SLC1A1: variants seen among roughly 807,000 people sequenced by gnomAD.
SLC1A1 encodes excitatory amino acid transporter 3.
SLC1A1 carries 43 observed loss-of-function variants against 53.3 expected under a neutral mutation model. That is an observed-to-expected ratio of 0.81 (90% CI 0.63 to 1.04). The LOEUF is 1.04. Among genes scored for constraint, SLC1A1 ranks in the 50% least tolerant of loss-of-function variants. The pLI is 0.00. For synonymous variants in SLC1A1, 307 were observed against 243.2 expected (o/e 1.26, Z -2.44); for missense variants, 748 against 664.9 (o/e 1.12, Z -1.37).
intron 1 of SLC1A1, among the ~76,000 whole-genome samples, chr9:4,492,745 G>A (rs192058745): frequency 2.4e-4 from 36 of 151,758 alleles, no homozygotes; most frequent in African/African-American, 6.8e-4. Context: ...GCAGTGAGCC[G>A]TGATCGTGAC....
intron 1 of SLC1A1, among the ~76,000 whole-genome samples, chr9:4,527,846 G>T (rs1366299037): frequency 6.6e-6 from 1 of 152,146 alleles, no homozygotes; most frequent in East Asian, 1.9e-4. Flanking sequence ...CTTCTGAAAA[G>T]AAGTGGCATC....
rs186632092 is a variant in SLC1A1 at position 4,555,798 on chromosome 9, G to A, written c.233-5651G>A. On this transcript the variant is annotated intron_variant, in intron 2 of 11. Coordinates refer to ENST00000262352, the MANE Select transcript of SLC1A1 (RefSeq NM_004170.6). ...TCATCTCAATCTGGTGACAGTTCAG[G>A]CTCCTCTGAAAGCCCACAGTAACTG... Among the ~76,000 whole-genome samples the A allele has an allele frequency of 4.2e-3, 642 of 152,242 alleles. 3 individuals are homozygous for A. Among genetic ancestry groups the A allele is most frequent in the Non-Finnish European group, 6.9e-3 (467 of 68,022 alleles).
intron 6 of SLC1A1, among the ~76,000 whole-genome samples, chr9:4,569,398 A>G (rs1819811139): frequency 6.6e-6 from 1 of 152,252 alleles, no homozygotes; most frequent in Admixed American, 6.5e-5. Context: ...CTTAGTAGCC[A>G]GTAGCCTCAT....
At chr9:4,560,960 C>T (rs1433913457) in intron 2 of SLC1A1, among the ~76,000 whole-genome samples, 1 of 152,082 alleles carries the variant, frequency 6.6e-6, no homozygotes, top group African/African-American at 2.4e-5. Context: ...CACACCATTG[C>T]ACTCCAGCCT....
In SLC1A1 at chr9:4,556,904, G is replaced by C. The variant is rs572719119; in HGVS notation, c.233-4545G>C. Among the ~76,000 whole-genome samples the C allele has an allele frequency of 6.6e-5, 10 of 152,186 alleles. No homozygotes were observed. The South Asian group carries it at 2.1e-3, about 32-fold the overall frequency. On this transcript the variant is annotated intron_variant, in intron 2 of 11. Transcript: ENST00000262352. This position sits in a 1 kb window ranked among gnomAD's most constrained non-coding sequence, Gnocchi z 4.1. Reference sequence around the variant, plus strand: ...GGTGGTGATTAGGAAAACGGCTTTGGGGGGTGGTTTTGCACAACAACAACA... The same window carrying C: ...GGTGGTGATTAGGAAAACGGCTTTGCGGGGTGGTTTTGCACAACAACAACA...
At chr9:4,560,902 AG>A (rs1564039673) in intron 2 of SLC1A1, among the ~76,000 whole-genome samples, 1 of 152,084 alleles carries the variant, frequency 6.6e-6, no homozygotes, top group Non-Finnish European at 1.5e-5. Context: ...AAGCTGAGGA[AG>A]GAGAATCGCT....
intron 1 of SLC1A1, among the ~76,000 whole-genome samples, chr9:4,516,345 C>T (rs977806426): frequency 6.6e-6 from 1 of 152,200 alleles, no homozygotes; most frequent in Non-Finnish European, 1.5e-5. Flanking sequence ...TGAAATAAAA[C>T]AGGGCTGGCT....
chr9:4,583,312 G>A lies in SLC1A1; in HGVS notation c.1328+140G>A. 1.8e-6 allele frequency: 2 copies of A among 1,088,170 alleles called. No individual in the cohort carries two copies. Among genetic ancestry groups the A allele is most frequent in the Non-Finnish European group, 2.8e-6 (2 of 715,652 alleles). The allele number at this position is 1,088,170 out of a possible 1,614,324, so 67.4% of individuals were successfully genotyped here. A position where few individuals can be genotyped will look rare whatever the true frequency, so the allele number is the denominator to read the frequency against. On this transcript the variant is annotated intron_variant, in intron 11 of 11. Coordinates refer to ENST00000262352, the MANE Select transcript of SLC1A1 (RefSeq NM_004170.6). The surrounding 1 kb of genome is among the most constrained non-coding windows in gnomAD (Gnocchi z 4.6). ...GCTGCTTTAATTTTCCTCTGACCAG[G>A]CCATCTGATAACATGCCTAAAAATT...
intron 2 of SLC1A1, among the ~76,000 whole-genome samples, chr9:4,557,395 T>C (rs937555083): frequency 6.6e-6 from 1 of 152,242 alleles, no homozygotes; most frequent in Non-Finnish European, 1.5e-5. Context: ...TTCGACATTG[T>C]CGAGCACCCA....
intron 1 of SLC1A1, among the ~76,000 whole-genome samples, chr9:4,497,132 GA>G (rs956458324): frequency 1.1e-4 from 9 of 82,040 alleles, no homozygotes; most frequent in Admixed American, 8.4e-4. Context: ...TTAAAAAACA[GA>G]AATTTTTTTT....
At chr9:4,524,677 T>A (rs1475711518) in intron 1 of SLC1A1, among the ~76,000 whole-genome samples, 1 of 152,152 alleles carries the variant, frequency 6.6e-6, no homozygotes, top group Non-Finnish European at 1.5e-5. Context: ...ATAGAGAAAG[T>A]CATCTCATCT....
chr9:4,506,802 TGG>T (rs1820823993), intron 1 of SLC1A1, among the ~76,000 whole-genome samples: 1 of 152,132 alleles, frequency 6.6e-6, no homozygotes, highest in South Asian at 2.1e-4. Context: ...TCACAGTGTG[TGG>T]AGTATGCAGC....
At chr9:4,520,339 C>T (rs915660729) in intron 1 of SLC1A1, among the ~76,000 whole-genome samples, 6 of 152,158 alleles carry the variant, frequency 3.9e-5, no homozygotes, top group African/African-American at 1.2e-4. Flanking sequence ...GCTTTCCCAC[C>T]TCATGAAAAA....
intron 8 of SLC1A1, among the ~76,000 whole-genome samples, chr9:4,574,432 G>C (rs1413930527): frequency 6.6e-6 from 1 of 152,148 alleles, no homozygotes; most frequent in Admixed American, 6.5e-5. Flanking sequence ...AATCAGACTT[G>C]AGCAAGTAGG....
intron 1 of SLC1A1, among the ~76,000 whole-genome samples, chr9:4,536,663 T>C (rs2130863570): frequency 1.3e-5 from 2 of 152,288 alleles, no homozygotes; most frequent in Middle Eastern, 3.4e-3. Flanking sequence ...GAACTAGAAA[T>C]ACCATTTGAC....
intron 1 of SLC1A1, among the ~76,000 whole-genome samples, chr9:4,540,959 T>G (rs936576293): frequency 1.2e-4 from 18 of 152,210 alleles, no homozygotes; most frequent in African/African-American, 4.1e-4. Context: ...TCACAATTGG[T>G]GGAACCAGGC....
At chr9:4,576,500 C>A in intron 9 of SLC1A1, 69 bp from the exon 10 acceptor site, 2 of 1,277,614 alleles carry the variant, frequency 1.6e-6, no homozygotes, top group Non-Finnish European at 2.3e-6. Context: ...GGAAGACAGG[C>A]ATGTCTTCAG....
At position 4,572,330 on chromosome 9, in the gene SLC1A1, G is replaced by C. The variant is rs1820130421; in HGVS notation, c.709G>C (p.Val237Leu). 6.2e-7 allele frequency: 1 copy of C among 1,614,146 alleles called. No individual in the cohort carries two copies. The highest frequency in any genetic ancestry group is 8.5e-7 in the Non-Finnish European group (1 of 1,179,994). The change falls in exon 7 of 12, where the codon GTG becomes CTG. Residue 237 changes from valine to leucine, a missense_variant. Val to Leu is a conservative substitution (Grantham distance 32). Coordinates refer to ENST00000262352, the MANE Select transcript of SLC1A1 (RefSeq NM_004170.6). ...GKMGEKGQILVDFFNALSDAT... is the reference protein window; with the variant it reads ...GKMGEKGQILLDFFNALSDAT... ...AATGGGAGAAAAGGGACAAATTCTG[G>C]TGGATTTCTTCAATGCTTTGAGTGA...
Position 4,566,148 on chromosome 9 carries a change from TG to T in SLC1A1, c.483+60del. On this transcript the variant is annotated intron_variant, in intron 5 of 11. Coordinates refer to ENST00000262352, the MANE Select transcript of SLC1A1 (RefSeq NM_004170.6). ...CCCTCTTCCCATTATCAATTAAAAA[TG>T]TTTTTTTCTGCTGTGACTCAAGAAA... is the stretch of plus-strand genomic sequence containing the variant. The T allele has an allele frequency of 2.8e-6, 4 of 1,445,654 alleles. No homozygotes were observed. In the South Asian group the frequency reaches 3.4e-5, roughly 12 times the overall value. 89.6% of individuals were successfully genotyped at this position (1,445,654 alleles called of 1,614,324 possible). A position where few individuals can be genotyped will look rare whatever the true frequency, so the allele number is the denominator to read the frequency against.
Sources: gnomAD v4.1 joint callset for allele counts (sites outside exome capture counted in the v4.1 genomes callset) on GRCh38, gnomAD v4.1.1 for gene constraint, Gnocchi (gnomAD v3.1) non-coding constraint, MANE v1.5 for transcripts, NCBI Gene and HGNC (gene_info 2026-07-23, HGNC 2026-07-21) for gene names.